Variants in LRRTM4 observed in about 807,000 individuals in gnomAD.
LRRTM4 encodes the protein leucine-rich repeat transmembrane neuronal protein 4.
Under a neutral mutation model 47.6 loss-of-function variants are expected in LRRTM4, and 25 were observed. The observed-to-expected ratio is 0.53, with a 90% CI of 0.38 to 0.73. The LOEUF (loss-of-function observed/expected upper bound fraction) is 0.73. LRRTM4 is among the 30% of genes least tolerant of loss of function. The pLI is 0.00. For synonymous variants in LRRTM4, 311 were observed against 269.5 expected (o/e 1.15, Z -1.51); for missense variants, 638 against 713.4 (o/e 0.89, Z 1.20).
intron 3 of LRRTM4, among the ~76,000 whole-genome samples, chr2:77,297,874 C>A (rs1216926425): frequency 6.6e-6 from 1 of 152,210 alleles, no homozygotes; most frequent in Non-Finnish European, 1.5e-5. Flanking sequence ...AGGACTGACA[C>A]AAGATCACAT....
chr2:77,431,669 T>A (rs914840800), intron 3 of LRRTM4, among the ~76,000 whole-genome samples: 5 of 149,224 alleles, frequency 3.4e-5, no homozygotes. Context: ...CCAGTTGCTT[T>A]CTAGCTGGGA....
chr2:77,355,765 G>A (rs999725293), intron 3 of LRRTM4, among the ~76,000 whole-genome samples: 3 of 152,176 alleles, frequency 2.0e-5, no homozygotes, highest in Non-Finnish European at 2.9e-5. Context: ...AGTGGAACAT[G>A]TGTCAACTCT....
At chr2:76,759,247 G>A (rs1309549908) in intron 3 of LRRTM4, among the ~76,000 whole-genome samples, 4 of 152,156 alleles carry the variant, frequency 2.6e-5, no homozygotes, top group South Asian at 2.1e-4. Context: ...CAGTAAAGCC[G>A]AGGTAGAAAA....
chr2:77,159,701 G>A (rs1253841132), intron 3 of LRRTM4, among the ~76,000 whole-genome samples: 1 of 152,044 alleles, frequency 6.6e-6, no homozygotes, highest in Non-Finnish European at 1.5e-5. Flanking sequence ...GGCAGAGGGG[G>A]AAGAGGTAGA....
intron 3 of LRRTM4, among the ~76,000 whole-genome samples, chr2:76,905,137 T>A (rs930365433): frequency 1.6e-4 from 25 of 152,070 alleles, no homozygotes; most frequent in Non-Finnish European, 3.1e-4. Context: ...GGCCGGGTAC[T>A]CCTCTGAGAC....
intron 3 of LRRTM4, among the ~76,000 whole-genome samples, chr2:76,881,698 A>T (rs995419021): frequency 4.6e-5 from 7 of 152,074 alleles, no homozygotes; most frequent in Non-Finnish European, 7.4e-5. Context: ...TCTGTTAGCT[A>T]AGATGAAAAA....
At chr2:77,324,830 CA>C (rs1375035721) in intron 3 of LRRTM4, among the ~76,000 whole-genome samples, 1 of 152,006 alleles carries the variant, frequency 6.6e-6, no homozygotes, top group African/African-American at 2.4e-5. Flanking sequence ...GGCAGATTTG[CA>C]AAGAACAATT....
intron 3 of LRRTM4, among the ~76,000 whole-genome samples, chr2:77,258,445 T>C (rs1037167261): frequency 6.6e-6 from 1 of 152,116 alleles, no homozygotes; most frequent in Non-Finnish European, 1.5e-5. Context: ...TCACATTTTA[T>C]AATACCATCA....
intron 3 of LRRTM4, among the ~76,000 whole-genome samples, chr2:77,319,380 T>C (rs1185596023): frequency 6.7e-6 from 1 of 148,816 alleles, no homozygotes; most frequent in African/African-American, 2.5e-5. Context: ...AGAGCGAAAC[T>C]CCACATCAAA....
chr2:77,521,570 G>T, intron 2 of LRRTM4, 98 bp downstream of exon 2: 4 of 1,393,280 alleles, frequency 2.9e-6, no homozygotes, highest in South Asian at 1.2e-5. Flanking sequence ...GCTGCTCTTT[G>T]CCTGTTTCCC....
At chr2:77,299,178 C>A (rs1367008741) in intron 3 of LRRTM4, among the ~76,000 whole-genome samples, 3 of 151,830 alleles carry the variant, frequency 2.0e-5, no homozygotes, top group East Asian at 1.9e-4. Context: ...CGCAACAATG[C>A]AGACTAGCTT....
intron 3 of LRRTM4, among the ~76,000 whole-genome samples, chr2:76,925,088 A>T (rs1674547498): frequency 6.6e-6 from 1 of 152,148 alleles, no homozygotes; most frequent in African/African-American, 2.4e-5. Context: ...GGCAAATGTA[A>T]GAAAAAAAGG....
At chr2:77,024,546 G>A (rs1678385785) in intron 3 of LRRTM4, among the ~76,000 whole-genome samples, 1 of 150,082 alleles carries the variant, frequency 6.7e-6, no homozygotes, top group Non-Finnish European at 1.5e-5. Context: ...ACAACAGAGA[G>A]GAAAAGGGAA....
At chr2:77,450,901 T>C (rs557117863) in intron 3 of LRRTM4, among the ~76,000 whole-genome samples, 37 of 152,330 alleles carry the variant, frequency 2.4e-4, no homozygotes, top group South Asian at 1.0e-3. Flanking sequence ...AAAGGCTTTA[T>C]GAATCTTCAC....
chr2:77,064,352 T>C (rs1335484355), intron 3 of LRRTM4, among the ~76,000 whole-genome samples: 1 of 152,062 alleles, frequency 6.6e-6, no homozygotes, highest in Non-Finnish European at 1.5e-5. Flanking sequence ...TTTATTGTGG[T>C]ATATATATAG....
At chr2:76,798,097 G>T (rs1261239353) in intron 3 of LRRTM4, among the ~76,000 whole-genome samples, 2 of 151,764 alleles carry the variant, frequency 1.3e-5, no homozygotes, top group East Asian at 3.9e-4. Flanking sequence ...GCAGCAAGCA[G>T]ACCTAATAGA....
At chr2:77,081,285 C>G (rs1043431074) in intron 3 of LRRTM4, among the ~76,000 whole-genome samples, 1 of 126,028 alleles carries the variant, frequency 7.9e-6, no homozygotes, top group African/African-American at 3.9e-5. Flanking sequence ...CACACACACA[C>G]ACACACATAA....
At chr2:77,150,188 A>T (rs1303988853) in intron 3 of LRRTM4, among the ~76,000 whole-genome samples, 1 of 152,164 alleles carries the variant, frequency 6.6e-6, no homozygotes, top group Admixed American at 6.5e-5. Context: ...TATTAAGCTA[A>T]AAATAGGATA....
At chr2:77,160,723 G>T (rs1158376177) in intron 3 of LRRTM4, among the ~76,000 whole-genome samples, 3 of 152,058 alleles carry the variant, frequency 2.0e-5, no homozygotes, top group Non-Finnish European at 2.9e-5. Flanking sequence ...AAAAACAGTG[G>T]AGTTGGCCTA....
Sources: gnomAD v4.1 joint callset for allele counts (sites outside exome capture counted in the v4.1 genomes callset) on GRCh38, gnomAD v4.1.1 for gene constraint, MANE v1.5 for transcripts, NCBI Gene and HGNC (gene_info 2026-07-23, HGNC 2026-07-21) for gene names.